The following A2ML1 variants were observed in gnomAD, a reference collection of about 807,000 sequenced individuals.
The protein encoded by A2ML1 is alpha-2-macroglobulin-like protein 1.
A2ML1 carries 161 observed loss-of-function variants against 181.9 expected under a neutral mutation model. That is an observed-to-expected ratio of 0.89 (90% CI 0.78 to 1.01). A2ML1 has a LOEUF of 1.01. Among genes scored for constraint, A2ML1 ranks in the 50% least tolerant of loss-of-function variants. The probability of loss-of-function intolerance (pLI) is 0.00; values close to 1 mark genes in which losing one functional copy is unlikely to be tolerated. For synonymous variants in A2ML1, 663 were observed against 666.8 expected (o/e 0.99, Z 0.09); for missense variants, 1,670 against 1,768.1 (o/e 0.94, Z 1.00).
rs775597936 is a variant in A2ML1, at chr12:8,851,757, C to T, written c.2235-27C>T. On this transcript the variant is annotated intron_variant, in intron 18 of 35. Transcript: ENST00000299698. Reference sequence around the variant, plus strand: ...TCTCCTTGCCCCACGCTACCTCTGCCTCATGTTGGTCCTTGTGTTTTCACA... The same window carrying T: ...TCTCCTTGCCCCACGCTACCTCTGCTTCATGTTGGTCCTTGTGTTTTCACA... The T allele has an allele frequency of 8.7e-6, 14 of 1,610,866 alleles. No individual in the cohort carries two copies. The South Asian group carries it at 9.9e-5, about 11-fold the overall frequency.
intron 4 of A2ML1, among the ~76,000 whole-genome samples, chr12:8,832,403 G>A (rs928141368): frequency 1.3e-5 from 2 of 152,188 alleles, no homozygotes; most frequent in African/African-American, 2.4e-5. Context: ...TCCTGCAAAG[G>A]CAGACTGGTC....
At chr12:8,823,580 G>T (rs773523351) in intron 2 of A2ML1, 140 bp from the exon 3 acceptor site, 2 of 1,105,336 alleles carry the variant, frequency 1.8e-6, no homozygotes, top group Non-Finnish European at 1.3e-6. Context: ...ATTCTTCCTC[G>T]TGGTAATTTG....
intron 33 of A2ML1, among the ~76,000 whole-genome samples, chr12:8,873,986 G>A (rs1944713677): frequency 6.6e-6 from 1 of 151,840 alleles, no homozygotes; most frequent in Admixed American, 6.6e-5. Flanking sequence ...TACATAGAGG[G>A]TTTCAGAGAA....
chr12:8,854,226 C>T lies in A2ML1; in HGVS notation c.2689C>T (p.Leu897Phe), dbSNP rs1285164272. ...TCCCCAAAAGGGCCGAAGTGACACG[C>T]TCATCAAGCCAGTTCTCGTCAAAGT... ...FVPQKGRSDT[L>F]IKPVLVKPEG... Residue 897 changes from leucine (L) to phenylalanine (F), a missense_variant, in exon 21 of 36, where the codon CTC becomes TTC. Leu to Phe is a conservative substitution (Grantham distance 22). Transcript: ENST00000299698. 4 of 1,606,812 alleles carry T rather than the reference C, an allele frequency of 2.5e-6. No individual in the cohort carries two copies. Among genetic ancestry groups the T allele is most frequent in the African/African-American group, 1.3e-5 (1 of 74,888 alleles).
At chr12:8,848,569 G>T (rs1943782065) in intron 15 of A2ML1, 151 bp from the exon 16 acceptor site, 1 of 593,388 alleles carries the variant, frequency 1.7e-6, no homozygotes, top group Non-Finnish European at 2.8e-6. Flanking sequence ...CAGTGAGAAA[G>T]GTAATTATGA....
rs1295765089 is a variant in A2ML1 at position 8,848,891 on chromosome 12, A to C, written c.2005A>C (p.Thr669Pro). 6.2e-7 allele frequency: 1 copy of C among 1,612,968 alleles called. No homozygotes were observed. The highest frequency in any genetic ancestry group is 1.7e-5 in the Admixed American group (1 of 59,680). ...CTGGAGGCCCTCGTTCTCTGAAGGC[A>C]CGGACCTTTTCAGCTTTTTCCGGGT... ...IIWRPSFSEG[T>P]DLFSFFRDVG... is the part of the protein sequence containing the mutation. Residue 669 changes from threonine (T) to proline (P), a missense_variant, in exon 16 of 36, where the codon ACG (threonine) becomes CCG (proline). Transcript: ENST00000299698.
At chr12:8,832,167 T>C (rs1943138480) in intron 4 of A2ML1, among the ~76,000 whole-genome samples, 2 of 152,052 alleles carry the variant, frequency 1.3e-5, no homozygotes, top group South Asian at 4.2e-4. Flanking sequence ...CTTGCTGTTT[T>C]CCTCCTCCTG....
intron 11 of A2ML1, among the ~76,000 whole-genome samples, chr12:8,842,867 A>G (rs1943537599): frequency 6.6e-6 from 1 of 152,226 alleles, no homozygotes. Context: ...AATATCTGTG[A>G]AGATACATCA....
downstream of A2ML1, among the ~76,000 whole-genome samples, chr12:8,877,490 G>GA (rs1311185215): frequency 6.6e-6 from 1 of 151,906 alleles, no homozygotes; most frequent in Non-Finnish European, 1.5e-5. Context: ...AAATCAACAA[G>GA]AAAAAAACAA....
chr12:8,830,664 C>G (rs764439843), intron 4 of A2ML1: 3 of 152,188 alleles, frequency 2.0e-5, no homozygotes, highest in Non-Finnish European at 4.4e-5. Flanking sequence ...ACACTTACCT[C>G]CCGGACACCC....
At chr12:8,840,516 C>T (rs1943432237) in intron 10 of A2ML1, among the ~76,000 whole-genome samples, 1 of 151,966 alleles carries the variant, frequency 6.6e-6, no homozygotes, top group Non-Finnish European at 1.5e-5. Flanking sequence ...TGCATTTATT[C>T]CTCAGTTATC....
intron 33 of A2ML1, among the ~76,000 whole-genome samples, chr12:8,872,729 A>G (rs1341289264): frequency 6.6e-6 from 1 of 151,026 alleles, no homozygotes; most frequent in Non-Finnish European, 1.5e-5. Flanking sequence ...GGTTGCGGTG[A>G]GCCGAGATCA....
intron 1 of A2ML1, 31 bp from the exon 2 acceptor site, chr12:8,823,151 T>C (rs1031766864): frequency 1.6e-5 from 25 of 1,602,184 alleles, no homozygotes; most frequent in Non-Finnish European, 2.0e-5. Flanking sequence ...TGAATCATTA[T>C]TGCCCTGAAA....
At chr12:8,834,078 C>T (rs1943198599) in intron 4 of A2ML1, among the ~76,000 whole-genome samples, 1 of 152,138 alleles carries the variant, frequency 6.6e-6, no homozygotes, top group South Asian at 2.1e-4. Context: ...CTTTCAATCT[C>T]ATCTAGTTGC....
intron 3 of A2ML1, among the ~76,000 whole-genome samples, chr12:8,828,452 C>T (rs139737049): frequency 3.0e-4 from 45 of 152,252 alleles, no homozygotes; most frequent in Admixed American, 2.0e-3. Flanking sequence ...CTCCTTTCAC[C>T]AGCTTGTGGT....
At chr12:8,844,194 AC>A (rs1330824765) in intron 12 of A2ML1, among the ~76,000 whole-genome samples, 1 of 152,128 alleles carries the variant, frequency 6.6e-6, no homozygotes, top group African/African-American at 2.4e-5. Context: ...ACCAAAAAAA[AC>A]AAAAACAAAA....
At chr12:8,880,209 CA>C (rs11302723), downstream of A2ML1, among the ~76,000 whole-genome samples, 96,905 of 151,780 alleles carry the variant, frequency 0.64, 31,140 homozygotes, top group Middle Eastern at 0.67. Context: ...AGTAAAAATA[CA>C]AAAAAATCAG....
intron 34 of A2ML1, 38 bp from the exon 35 acceptor site, chr12:8,874,933 G>T (rs761337693): frequency 6.2e-7 from 1 of 1,607,024 alleles, no homozygotes; most frequent in African/African-American, 1.3e-5. Flanking sequence ...AATATAGGAG[G>T]CCCTCAAAGT....
intron 23 of A2ML1, among the ~76,000 whole-genome samples, chr12:8,856,061 A>G (rs1377198354): frequency 6.6e-6 from 1 of 152,210 alleles, no homozygotes; most frequent in Non-Finnish European, 1.5e-5. Flanking sequence ...GACCCTGAAC[A>G]AGTTAGTGAA....
Sources: gnomAD v4.1 joint callset for allele counts (sites outside exome capture counted in the v4.1 genomes callset) on GRCh38, gnomAD v4.1.1 for gene constraint, MANE v1.5 for transcripts, NCBI Gene and HGNC (gene_info 2026-07-23, HGNC 2026-07-21) for gene names.